Variants in PTPRR observed in about 807,000 individuals in gnomAD.
PTPRR encodes the protein receptor-type tyrosine-protein phosphatase R.
Under a neutral mutation model 77.2 loss-of-function variants are expected in PTPRR, and 38 were observed. The ratio of observed to expected loss-of-function variants is 0.49; its 90% CI spans 0.38 to 0.65. The LOEUF is 0.65. PTPRR is among the 30% of genes least tolerant of loss of function. PTPRR has a pLI of 0.00. For missense variants in PTPRR, 744 were observed against 799.2 expected (o/e 0.93, Z 0.83); for synonymous variants, 299 against 283.1 (o/e 1.06, Z -0.57).
At chr12:70,658,462 A>C (rs1592642464) in intron 12 of PTPRR, among the ~76,000 whole-genome samples, 1 of 152,334 alleles carries the variant, frequency 6.6e-6, no homozygotes. Flanking sequence ...AGTTCATTTC[A>C]TTGAAGAAAT....
intron 6 of PTPRR, among the ~76,000 whole-genome samples, chr12:70,739,853 A>G (rs899366410): frequency 6.6e-6 from 1 of 152,144 alleles, no homozygotes; most frequent in East Asian, 1.9e-4. Context: ...GCAAACAGAA[A>G]TGCAAATGTG....
In PTPRR at chr12:70,814,531, G is replaced by A. The variant is rs1282106754; in HGVS notation, c.358-49753C>T. Among the ~76,000 whole-genome samples, 4 of 152,174 alleles carry A rather than the reference G, an allele frequency of 2.6e-5. No individual in the cohort carries two copies. In the South Asian group the frequency reaches 8.3e-4, roughly 31 times the overall value. On this transcript the variant is annotated intron_variant, in intron 2 of 13. Coordinates refer to ENST00000283228, the MANE Select transcript of PTPRR (RefSeq NM_002849.4). ...TTGTTTGGCAGTTGCCAACAGGGAG[G>A]TCCCCAGCTTATAGTGGAGATCCAG...
chr12:70,860,983 T>C lies in PTPRR; in HGVS notation c.357+31696A>G, dbSNP rs139911710. ...AACTTAGTGCTGGAAATAGTATGCA[T>C]GCATTTGTTTATGGTCTGTCTTCCT... is the stretch of plus-strand genomic sequence containing the variant. On this transcript the variant is annotated intron_variant, in intron 2 of 13. Coordinates refer to ENST00000283228, the MANE Select transcript of PTPRR (RefSeq NM_002849.4). 7.8e-3 allele frequency among the ~76,000 whole-genome samples: 1,194 copies of C among 152,266 alleles called. 7 individuals carry two copies. Among genetic ancestry groups the C allele is most frequent in the Non-Finnish European group, 0.011 (772 of 68,020 alleles).
chr12:70,712,932 C>G (rs1324355644), intron 6 of PTPRR, among the ~76,000 whole-genome samples: 2 of 151,920 alleles, frequency 1.3e-5, no homozygotes, highest in East Asian at 3.9e-4. Flanking sequence ...GTGTAAAATT[C>G]AATGGTTTTT....
intron 2 of PTPRR, among the ~76,000 whole-genome samples, chr12:70,805,781 A>C (rs1410632454): frequency 6.6e-6 from 1 of 152,254 alleles, no homozygotes; most frequent in Non-Finnish European, 1.5e-5. Context: ...ATTCGGATGC[A>C]TTGCTCAAGA....
At chr12:70,661,167 T>G (rs779778244) in intron 11 of PTPRR, 70 bp from the exon 12 acceptor site, 1 of 1,542,424 alleles carries the variant, frequency 6.5e-7, no homozygotes, top group South Asian at 1.2e-5. Flanking sequence ...ACCACAATAC[T>G]GAATGCCTTT....
At chr12:70,896,819 T>C (rs1001849101) in intron 1 of PTPRR, among the ~76,000 whole-genome samples, 10 of 151,862 alleles carry the variant, frequency 6.6e-5, no homozygotes, top group Non-Finnish European at 1.3e-4. Flanking sequence ...CAGTTTCAGC[T>C]TTCTACATAT....
At chr12:70,776,419 T>C (rs183104757) in intron 2 of PTPRR, among the ~76,000 whole-genome samples, 2 of 152,338 alleles carry the variant, frequency 1.3e-5, no homozygotes, top group African/African-American at 4.8e-5. Context: ...ATTCCCCATA[T>C]GGACATCATA....
chr12:70,724,575 A>G (rs1385280604), intron 6 of PTPRR, among the ~76,000 whole-genome samples: 1 of 152,198 alleles, frequency 6.6e-6, no homozygotes, highest in Admixed American at 6.5e-5. Flanking sequence ...CTTCAGTGCT[A>G]CTGCTACCCT....
intron 4 of PTPRR, 132 bp from the exon 5 acceptor site, chr12:70,754,433 A>C: frequency 1.9e-6 from 3 of 1,565,272 alleles, no homozygotes; most frequent in Non-Finnish European, 2.6e-6. Context: ...CCCCGCTGCC[A>C]GAGCTGCTTC....
intron 2 of PTPRR, among the ~76,000 whole-genome samples, chr12:70,836,079 G>A (rs956536901): frequency 6.6e-6 from 1 of 151,952 alleles, no homozygotes; most frequent in Non-Finnish European, 1.5e-5. Flanking sequence ...CATCCTGTCT[G>A]TAGCCTGTCT....
At chr12:70,864,220 C>A (rs1892802454) in intron 2 of PTPRR, among the ~76,000 whole-genome samples, 1 of 152,156 alleles carries the variant, frequency 6.6e-6, no homozygotes, top group East Asian at 1.9e-4. Flanking sequence ...ACCCATTTGA[C>A]CAAGCATCCT....
intron 10 of PTPRR, among the ~76,000 whole-genome samples, chr12:70,668,263 T>TGAAGAAGAGGAA (rs1555247458): frequency 3.3e-5 from 5 of 151,490 alleles, no homozygotes; most frequent in Admixed American, 3.3e-4. Flanking sequence ...AGGATAAGGA[T>TGAAGAAGAGGAA]GAAGAAGAGG....
chr12:70,884,153 A>C (rs59186023), intron 2 of PTPRR, among the ~76,000 whole-genome samples: 102,995 of 151,524 alleles, frequency 0.68, 36,109 homozygotes, highest in African/African-American at 0.86. Flanking sequence ...TTTCCTAAAA[A>C]AAGAGAAAGA....
intron 6 of PTPRR, among the ~76,000 whole-genome samples, chr12:70,744,140 A>G (rs1890138309): frequency 6.6e-6 from 1 of 152,224 alleles, no homozygotes; most frequent in African/African-American, 2.4e-5. Flanking sequence ...AGAGTAAAAG[A>G]ACCAGAAAGA....
rs548695972 is a variant in PTPRR, at chr12:70,764,425, C to T, written c.471+240G>A. On this transcript the variant is annotated intron_variant, in intron 3 of 13. Transcript: ENST00000283228. ...CCTCTATAAAGGGCCAGATGATAAACAGTTTAGGCTTCATGAGCCAATCTT... is the reference window on the plus strand; with the variant it reads ...CCTCTATAAAGGGCCAGATGATAAATAGTTTAGGCTTCATGAGCCAATCTT... Among the ~76,000 whole-genome samples, 5 of 152,230 alleles carry T rather than the reference C, an allele frequency of 3.3e-5. No homozygotes were observed. The South Asian group carries it at 1.0e-3, about 32-fold the overall frequency.
chr12:70,688,208 A>G (rs565979964), intron 8 of PTPRR, among the ~76,000 whole-genome samples: 18 of 152,212 alleles, frequency 1.2e-4, no homozygotes, highest in Non-Finnish European at 2.4e-4. Context: ...TGAAAGCACA[A>G]TGAAAGCAAA....
intron 6 of PTPRR, among the ~76,000 whole-genome samples, chr12:70,737,570 G>A (rs191933449): frequency 6.6e-6 from 1 of 151,808 alleles, no homozygotes; most frequent in Admixed American, 6.6e-5. Flanking sequence ...GCCCAGGCTG[G>A]AGTACAGTGG....
intron 2 of PTPRR, among the ~76,000 whole-genome samples, chr12:70,833,702 G>A (rs1054360433): frequency 2.0e-5 from 3 of 152,122 alleles, no homozygotes; most frequent in Non-Finnish European, 2.9e-5. Flanking sequence ...GGTTTGGATC[G>A]AAGCTGACAA....
Sources: gnomAD v4.1 joint callset for allele counts (sites outside exome capture counted in the v4.1 genomes callset) on GRCh38, gnomAD v4.1.1 for gene constraint, MANE v1.5 for transcripts, NCBI Gene and HGNC (gene_info 2026-07-23, HGNC 2026-07-21) for gene names.